ITPK1: variants seen among roughly 807,000 people sequenced by gnomAD.
The protein encoded by ITPK1 is inositol 1,3,4-trisphosphate 5/6-kinase.
ITPK1 carries 21 observed loss-of-function variants against 45.3 expected under a neutral mutation model. The observed-to-expected ratio is 0.46, with a 90% confidence interval of 0.33 to 0.67. The LOEUF is 0.67. Ranked by LOEUF, ITPK1 falls within the 30% of genes least tolerant of loss-of-function variation. The probability of loss-of-function intolerance (pLI) is 0.02; values close to 1 mark genes in which losing one functional copy is unlikely to be tolerated. For synonymous variants in ITPK1, 258 were observed against 253.6 expected, an observed-to-expected ratio of 1.02 and a Z score of -0.16; for missense variants, 474 against 573.5, an observed-to-expected ratio of 0.83 and a Z score of 1.77.
intron 7 of ITPK1, among the ~76,000 whole-genome samples, chr14:92,961,612 C>T (rs919138018): frequency 6.6e-5 from 10 of 152,312 alleles, no homozygotes; most frequent in Middle Eastern, 6.8e-3. Context: ...GGGCCCAGCC[C>T]GGTGCCTGCC....
chr14:92,983,667 T>A (rs1886335393), intron 5 of ITPK1, among the ~76,000 whole-genome samples: 1 of 152,138 alleles, frequency 6.6e-6, no homozygotes, highest in Non-Finnish European at 1.5e-5. Context: ...ACTGGCACCA[T>A]CAGGAGTGAA....
At chr14:93,053,568 G>A (rs751236720) in intron 3 of ITPK1, among the ~76,000 whole-genome samples, 1 of 152,236 alleles carries the variant, frequency 6.6e-6, no homozygotes, top group Non-Finnish European at 1.5e-5. Context: ...GGTAGATGCA[G>A]GTCACTATGC....
At chr14:93,075,326 C>CAAAAA (rs58089863) in intron 3 of ITPK1, among the ~76,000 whole-genome samples, 13 of 53,972 alleles carry the variant, frequency 2.4e-4, no homozygotes, top group African/African-American at 2.8e-4. Context: ...GACTCCTTCT[C>CAAAAA]AAAAAAAAAA....
At chr14:93,015,709 G>A (rs558329890) in intron 4 of ITPK1, among the ~76,000 whole-genome samples, 37 of 152,352 alleles carry the variant, frequency 2.4e-4, no homozygotes, top group African/African-American at 8.7e-4. Context: ...CTTCCTGGTG[G>A]GAAGCAGGAA....
rs536586583 is a variant in ITPK1, at chr14:93,036,145, G to A, written c.121-19344C>T. On this transcript the variant is annotated intron_variant, in intron 3 of 10. Coordinates refer to ENST00000267615, the MANE Select transcript of ITPK1 (RefSeq NM_014216.6). The surrounding 1 kb of genome is among the most constrained non-coding windows in gnomAD (Gnocchi z 4.1). ...GACCTGCCCCTCCCCAGGAGCCCAAGGTCCCAGGAGCCCAAGGTCGGTAAC... is the reference window on the plus strand; with the variant it reads ...GACCTGCCCCTCCCCAGGAGCCCAAAGTCCCAGGAGCCCAAGGTCGGTAAC... Among the ~76,000 whole-genome samples, 7 of 151,984 alleles carry A rather than the reference G, an allele frequency of 4.6e-5. No individual in the cohort carries two copies. Among genetic ancestry groups the A allele is most frequent in the Admixed American group, 4.6e-4 (7 of 15,288 alleles).
chr14:93,066,306 ATGTGTGTGTGTGTATG>A (rs1890743445), intron 3 of ITPK1: 3 of 436,068 alleles, frequency 6.9e-6, no homozygotes, highest in East Asian at 7.3e-5. Context: ...GTGCGCGTGC[ATGTGTGTGTGTGTATG>A]TGTGTGTGTG....
At chr14:93,077,061 C>T (rs868797639) in intron 2 of ITPK1, among the ~76,000 whole-genome samples, 1 of 152,334 alleles carries the variant, frequency 6.6e-6, no homozygotes, top group African/African-American at 2.4e-5. Context: ...CATGCCCCAA[C>T]CCATCCACTG....
At chr14:93,018,273 C>A (rs1888290710) in intron 3 of ITPK1, among the ~76,000 whole-genome samples, 1 of 152,190 alleles carries the variant, frequency 6.6e-6, no homozygotes, top group Non-Finnish European at 1.5e-5. Flanking sequence ...CTCAACACTA[C>A]CGCCTCCCCT....
At chr14:92,967,608 G>T (rs1885444199) in intron 5 of ITPK1, among the ~76,000 whole-genome samples, 1 of 152,152 alleles carries the variant, frequency 6.6e-6, no homozygotes, top group South Asian at 2.1e-4. Flanking sequence ...CCTAAAAATG[G>T]TTCACAGCAG....
chr14:93,085,355 TCCCCCCGACCGGGTGC>T (rs1277623069), intron 2 of ITPK1, among the ~76,000 whole-genome samples: 3 of 151,710 alleles, frequency 2.0e-5, no homozygotes, highest in Non-Finnish European at 4.4e-5. Context: ...CTGAAGACCC[TCCCCCCGACCGGGTGC>T]CCCACCCAGG....
At chr14:93,062,150 A>G (rs1412536870) in intron 3 of ITPK1, among the ~76,000 whole-genome samples, 2 of 152,196 alleles carry the variant, frequency 1.3e-5, no homozygotes, top group African/African-American at 2.4e-5. Flanking sequence ...GCGTGCCTGT[A>G]ATCTCAGTTA....
In ITPK1 at chr14:92,946,258, C is replaced by T. The variant is rs913926028; in HGVS notation, c.901+73G>A. ...GCTGGCTTTCTGGCCTCAGTCACCC[C>T]GCCTCACCTGCCTGGTCACCTGAGG... is the stretch of plus-strand genomic sequence containing the variant. On this transcript the variant is annotated intron_variant, in intron 10 of 10. Transcript: ENST00000267615. 1.1e-4 allele frequency: 170 copies of T among 1,554,590 alleles called. 1 individual carries two copies. The highest frequency in any genetic ancestry group is 3.6e-4 in the Middle Eastern group (2 of 5,586).
At chr14:93,023,942 C>T (rs1888598517) in intron 3 of ITPK1, among the ~76,000 whole-genome samples, 1 of 152,192 alleles carries the variant, frequency 6.6e-6, no homozygotes, top group Non-Finnish European at 1.5e-5. Flanking sequence ...CACAGTGGCA[C>T]CTGAGAGGCC....
Position 92,997,274 on chromosome 14 carries a change from A to T in ITPK1, c.247-3277T>A, listed in dbSNP as rs965400161. Among the ~76,000 whole-genome samples the T allele has an allele frequency of 7.9e-5, 12 of 152,354 alleles. No individual in the cohort carries two copies. The East Asian group carries it at 2.1e-3, about 27-fold the overall frequency. On this transcript the variant is annotated intron_variant, in intron 4 of 10. Transcript: ENST00000267615. ...CTCTGAATAAATGAGGGCGATTCTG[A>T]TTCCATGTTTATGCGTTAGGACAGT...
chr14:93,028,654 C>T (rs1319184978), intron 3 of ITPK1, among the ~76,000 whole-genome samples: 1 of 152,250 alleles, frequency 6.6e-6, no homozygotes, highest in Non-Finnish European at 1.5e-5. Flanking sequence ...AAGCCTGGCC[C>T]AGAGCAGGCC....
intron 3 of ITPK1, among the ~76,000 whole-genome samples, chr14:93,048,503 T>TGAATAGA: frequency 6.6e-6 from 1 of 152,296 alleles, no homozygotes; most frequent in African/African-American, 2.4e-5. Context: ...AAGTTTCTAT[T>TGAATAGA]CTGCCATGCT....
chr14:93,108,122 G>A (rs916134998), intron 2 of ITPK1, among the ~76,000 whole-genome samples: 3 of 152,182 alleles, frequency 2.0e-5, no homozygotes, highest in Non-Finnish European at 2.9e-5. Context: ...ACACACACCC[G>A]GGCCGGCTCC....
chr14:93,109,067 C>A (rs2140036500), intron 2 of ITPK1, among the ~76,000 whole-genome samples: 1 of 152,236 alleles, frequency 6.6e-6, no homozygotes, highest in South Asian at 2.1e-4. Flanking sequence ...TCTGACCCAG[C>A]CCTCCTCATC....
At chr14:92,990,073 C>T (rs1886703924) in intron 5 of ITPK1, among the ~76,000 whole-genome samples, 1 of 152,186 alleles carries the variant, frequency 6.6e-6, no homozygotes, top group South Asian at 2.1e-4. Context: ...TCGTTCTAGC[C>T]CTTCTTCCAT....
Sources: allele counts gnomAD v4.1 joint callset (sites outside exome capture counted in the v4.1 genomes callset), GRCh38; gene constraint gnomAD v4.1.1; non-coding constraint Gnocchi (gnomAD v3.1); transcripts MANE v1.5; gene names NCBI Gene and HGNC (gene_info 2026-07-23, HGNC 2026-07-21).